Variants in ERC2 observed in about 807,000 individuals in gnomAD.
ERC2 encodes ERC protein 2.
ERC2 carries 42 observed loss-of-function variants against 114.8 expected under a neutral mutation model. The observed-to-expected ratio is 0.37, with a 90% CI of 0.29 to 0.47. The LOEUF is 0.47. Among genes scored for constraint, ERC2 ranks in the 20% least tolerant of loss-of-function variants. ERC2 has a pLI of 0.99. For missense variants in ERC2, 939 were observed against 1,150.7 expected, an observed-to-expected ratio of 0.82 and a Z score of 2.66; for synonymous variants, 454 against 425.5, an observed-to-expected ratio of 1.07 and a Z score of -0.82.
At chr3:56,298,989 C>G (rs886982745) in intron 2 of ERC2, among the ~76,000 whole-genome samples, 1 of 152,004 alleles carries the variant, frequency 6.6e-6, no homozygotes, top group African/African-American at 2.4e-5. Flanking sequence ...GCCTTCAGCC[C>G]AGAGATGCGG....
chr3:56,024,725 C>A (rs1484670155), intron 7 of ERC2, among the ~76,000 whole-genome samples: 1 of 152,224 alleles, frequency 6.6e-6, no homozygotes, highest in Non-Finnish European at 1.5e-5. Context: ...ATATCCACAG[C>A]ACCTAGGGAG....
chr3:56,213,667 G>C (rs1357316171), intron 3 of ERC2, among the ~76,000 whole-genome samples: 1 of 152,172 alleles, frequency 6.6e-6, no homozygotes, highest in Admixed American at 6.5e-5. Context: ...GAAGAGAGTA[G>C]TGGTTCTCCC....
chr3:55,785,055 G>A (rs17272960), intron 14 of ERC2, among the ~76,000 whole-genome samples: 21,274 of 152,190 alleles, frequency 0.14, 1,706 homozygotes, highest in East Asian at 0.23. Flanking sequence ...GGAGGGCTCG[G>A]AAAGGGCAAA....
rs115259430 is a variant in ERC2, at chr3:55,787,002, T to C, written c.2565-52084A>G. 3.0e-3 allele frequency among the ~76,000 whole-genome samples: 451 copies of C among 152,352 alleles called. 4 individuals carry two copies. Among genetic ancestry groups the C allele is most frequent in the African/African-American group, 0.01 (429 of 41,582 alleles). On this transcript the variant is annotated intron_variant, in intron 14 of 17. Transcript: ENST00000288221. ...AAATATATATGGCTGCATTATGAAC[T>C]GTGGGACAGATAGGACCTAGTTTTA...
At chr3:56,454,528 A>G (rs956802855) in intron 1 of ERC2, among the ~76,000 whole-genome samples, 1 of 152,220 alleles carries the variant, frequency 6.6e-6, no homozygotes, top group Admixed American at 6.5e-5. Flanking sequence ...AACAACCGAA[A>G]TGTCCACTGA....
intron 3 of ERC2, among the ~76,000 whole-genome samples, chr3:56,262,859 G>A (rs1216806890): frequency 1.3e-5 from 2 of 152,194 alleles, no homozygotes; most frequent in African/African-American, 4.8e-5. Context: ...TAGGGATACA[G>A]TTGTAATGAA....
chr3:55,890,435 C>T lies in ERC2; in HGVS notation c.2404-1886G>A, dbSNP rs141021077. Among the ~76,000 whole-genome samples, 399 of 152,186 alleles carry T rather than the reference C, an allele frequency of 2.6e-3. 2 individuals are homozygous for T. The highest frequency in any genetic ancestry group is 9.2e-3 in the African/African-American group (381 of 41,532). ...TGATTTCAGAGGAGTGGGAGGTCTC[C>T]ATTATTCTCATTTGTTCAATCTCTC... On this transcript the variant is annotated intron_variant, in intron 13 of 17. Transcript: ENST00000288221.
At chr3:55,640,817 G>A (rs983615283) in intron 17 of ERC2, among the ~76,000 whole-genome samples, 3 of 152,138 alleles carry the variant, frequency 2.0e-5, no homozygotes, top group Admixed American at 6.5e-5. Context: ...CTTTTTGCCT[G>A]TTCATTACTC....
chr3:56,427,386 A>G (rs2061613378), intron 2 of ERC2, among the ~76,000 whole-genome samples: 1 of 152,138 alleles, frequency 6.6e-6, no homozygotes, highest in South Asian at 2.1e-4. Context: ...TTGGCCTCCC[A>G]AAGTATTGGG....
chr3:55,853,451 G>C (rs898099515), intron 14 of ERC2, among the ~76,000 whole-genome samples: 3 of 152,120 alleles, frequency 2.0e-5, no homozygotes, highest in African/African-American at 7.2e-5. Flanking sequence ...CTTGAGCCCA[G>C]GAGGTTGAGG....
intron 13 of ERC2, among the ~76,000 whole-genome samples, chr3:55,935,661 A>G (rs1006611901): frequency 5.9e-5 from 9 of 152,280 alleles, no homozygotes. Flanking sequence ...CTTTCTGAAA[A>G]TTTTTCCAGT....
At chr3:55,930,563 G>A (rs1349290429) in intron 13 of ERC2, among the ~76,000 whole-genome samples, 5 of 152,142 alleles carry the variant, frequency 3.3e-5, no homozygotes, top group Non-Finnish European at 7.3e-5. Context: ...GCAGAAAACT[G>A]AAACTGGACC....
At chr3:55,952,915 C>G (rs112458495) in intron 12 of ERC2, among the ~76,000 whole-genome samples, 201 of 152,138 alleles carry the variant, frequency 1.3e-3, no homozygotes, top group African/African-American at 4.6e-3. Context: ...GAGTGGCGGC[C>G]GGGCACGGTG....
chr3:55,541,327 C>A (rs1238706008), intron 17 of ERC2, among the ~76,000 whole-genome samples: 1 of 152,104 alleles, frequency 6.6e-6, no homozygotes, highest in Non-Finnish European at 1.5e-5. Context: ...GCTGAAACAG[C>A]CAAAAACAGT....
chr3:55,884,397 C>A (rs1298046849), intron 14 of ERC2, among the ~76,000 whole-genome samples: 1 of 152,144 alleles, frequency 6.6e-6, no homozygotes, highest in Non-Finnish European at 1.5e-5. Context: ...CCATCAGTGT[C>A]TCTCTCTCCA....
At chr3:55,751,052 C>G (rs949817604) in intron 14 of ERC2, among the ~76,000 whole-genome samples, 4 of 152,172 alleles carry the variant, frequency 2.6e-5, no homozygotes, top group Non-Finnish European at 2.9e-5. Flanking sequence ...TATGATTGGT[C>G]CATGACTTCC....
At chr3:55,524,783 GAA>G (rs1394252290) in intron 17 of ERC2, among the ~76,000 whole-genome samples, 1 of 152,178 alleles carries the variant, frequency 6.6e-6, no homozygotes, top group African/African-American at 2.4e-5. Flanking sequence ...TAAACACAAT[GAA>G]AAAAGAGAGA....
At chr3:56,314,530 T>C (rs1461431212) in intron 2 of ERC2, among the ~76,000 whole-genome samples, 1 of 152,018 alleles carries the variant, frequency 6.6e-6, no homozygotes, top group African/African-American at 2.4e-5. Context: ...AGTGAAATAA[T>C]GTTTGGCTGT....
At chr3:56,025,700 T>G (rs1173744820) in intron 7 of ERC2, among the ~76,000 whole-genome samples, 2 of 152,206 alleles carry the variant, frequency 1.3e-5, no homozygotes, top group African/African-American at 2.4e-5. Context: ...ATCTCCCTTT[T>G]GATCAACTTA....
Sources: allele counts gnomAD v4.1 joint callset (sites outside exome capture counted in the v4.1 genomes callset), GRCh38; gene constraint gnomAD v4.1.1; transcripts MANE v1.5; gene names NCBI Gene and HGNC (gene_info 2026-07-23, HGNC 2026-07-21).